The following ITGA9 variants were observed in gnomAD, a reference collection of about 807,000 sequenced individuals.
ITGA9 encodes the protein integrin alpha-9.
ITGA9 carries 56 observed loss-of-function variants against 127.8 expected under a neutral mutation model. The observed-to-expected ratio is 0.44, with a 90% CI of 0.35 to 0.55. The LOEUF (loss-of-function observed/expected upper bound fraction) is 0.55. ITGA9 is among the 20% of genes least tolerant of loss of function. The probability of loss-of-function intolerance (pLI) is 0.00; values close to 1 mark genes in which losing one functional copy is unlikely to be tolerated. For synonymous variants in ITGA9, 508 were observed against 514.5 expected, an observed-to-expected ratio of 0.99 and a Z score of 0.17; for missense variants, 1,196 against 1,347.1, an observed-to-expected ratio of 0.89 and a Z score of 1.76.
intron 1 of ITGA9, among the ~76,000 whole-genome samples, chr3:37,464,373 A>G (rs1035702008): frequency 2.0e-5 from 3 of 151,542 alleles, no homozygotes; most frequent in Non-Finnish European, 4.4e-5. Context: ...GCCAGGAGTT[A>G]GAACTGGGAT....
intron 4 of ITGA9, among the ~76,000 whole-genome samples, chr3:37,490,975 C>T (rs965066643): frequency 4.8e-5 from 5 of 105,102 alleles, no homozygotes; most frequent in African/African-American, 1.8e-4. Flanking sequence ...TTCCCCCCCG[C>T]TTTTTTTTTT....
At chr3:37,762,789 T>C (rs1696737994) in intron 23 of ITGA9, among the ~76,000 whole-genome samples, 1 of 152,194 alleles carries the variant, frequency 6.6e-6, no homozygotes, top group African/African-American at 2.4e-5. Flanking sequence ...TTTGTCTGGG[T>C]GCGTAGCTGT....
At chr3:37,792,537 T>C (rs1394296536) in intron 26 of ITGA9, among the ~76,000 whole-genome samples, 1 of 152,164 alleles carries the variant, frequency 6.6e-6, no homozygotes, top group Non-Finnish European at 1.5e-5. Context: ...CCCAAAAGGC[T>C]TGGCCTCTTC....
In ITGA9 at chr3:37,719,751, G is replaced by A. The variant is rs182116132; in HGVS notation, c.2068-12961G>A. Among the ~76,000 whole-genome samples, 462 of 152,180 alleles carry A rather than the reference G, an allele frequency of 3.0e-3. 5 individuals carry two copies. Among genetic ancestry groups the A allele is most frequent in the East Asian group, 2.1e-3 (11 of 5,186 alleles). On this transcript the variant is annotated intron_variant, in intron 18 of 27. Coordinates refer to ENST00000264741, the MANE Select transcript of ITGA9 (RefSeq NM_002207.3). The stretch of plus-strand genomic sequence containing the variant: ...GATAGATGCCCCAGCTTTCTCACCC[G>A]TTGATGACACACTTCACTACCCTCT...
At position 37,560,644 on chromosome 3, in the gene ITGA9, C is replaced by T. The variant is rs550493869; in HGVS notation, c.1689+18059C>T. Among the ~76,000 whole-genome samples the T allele has an allele frequency of 5.9e-5, 9 of 152,306 alleles. No individual in the cohort carries two copies. The South Asian group carries it at 1.9e-3, about 32-fold the overall frequency. On this transcript the variant is annotated intron_variant, in intron 15 of 27. Transcript: ENST00000264741. ...TCCTGACTTTTTAATGATCACCATT[C>T]TAACTGGCATGAGATGGTATCTCAT...
rs187550157 is a variant in ITGA9, at chr3:37,813,766, T to G, written c.3010-5125T>G. Among the ~76,000 whole-genome samples the G allele has an allele frequency of 1.7e-3, 256 of 151,942 alleles. 2 individuals carry two copies. The highest frequency in any genetic ancestry group is 5.8e-3 in the African/African-American group (240 of 41,546). ...TTACATGAGTTAAGAGTCCTAGACT[T>G]ACTTAGCAAGTCCTCAATTCTGACA... On this transcript the variant is annotated intron_variant, in intron 27 of 27. Coordinates refer to ENST00000264741, the MANE Select transcript of ITGA9 (RefSeq NM_002207.3).
intron 26 of ITGA9, chr3:37,790,259 G>T: frequency 1.8e-6 from 1 of 546,734 alleles, no homozygotes. Context: ...TTTAGAAATG[G>T]CAGCAGCTTG....
chr3:37,621,590 A>G (rs886363305), intron 15 of ITGA9, among the ~76,000 whole-genome samples: 6 of 152,222 alleles, frequency 3.9e-5, no homozygotes, highest in Non-Finnish European at 7.3e-5. Context: ...AGACTTTTCA[A>G]TGCAAAATCA....
At chr3:37,634,660 T>G (rs1199713098) in intron 16 of ITGA9, among the ~76,000 whole-genome samples, 1 of 152,182 alleles carries the variant, frequency 6.6e-6, no homozygotes, top group Non-Finnish European at 1.5e-5. Context: ...TTAGGGAATT[T>G]CAGTACCCCA....
chr3:37,677,941 T>A (rs1700698052), intron 17 of ITGA9, among the ~76,000 whole-genome samples: 1 of 152,268 alleles, frequency 6.6e-6, no homozygotes, highest in South Asian at 2.1e-4. Flanking sequence ...ACTGAGGGCA[T>A]GCTGCCCCTA....
At chr3:37,700,472 C>T (rs116199004) in intron 18 of ITGA9, among the ~76,000 whole-genome samples, 1,524 of 152,204 alleles carry the variant, frequency 0.01, 30 homozygotes, top group African/African-American at 0.035. Flanking sequence ...TCCCAGCCTC[C>T]GGAGTAGTTG....
chr3:37,570,679 A>G (rs188729001), intron 15 of ITGA9, among the ~76,000 whole-genome samples: 1 of 152,372 alleles, frequency 6.6e-6, no homozygotes, highest in African/African-American at 2.4e-5. Context: ...TTCCAGAAAT[A>G]CAGAGATTCT....
At position 37,513,855 on chromosome 3, in the gene ITGA9, G is replaced by C; in HGVS notation, c.990G>C (p.Glu330Asp). 1 of 1,613,786 alleles carries C rather than the reference G, an allele frequency of 6.2e-7. No individual in the cohort carries two copies. Among genetic ancestry groups the C allele is most frequent in the South Asian group, 1.1e-5 (1 of 91,060 alleles). ...TGGTGGGGGCCCCCATGTTTTCTGA[G>C]ATCAGGGATGAGGGACAGGTCACTG... ...DLLVGAPMFS[E>D]IRDEGQVTVY... is the part of the protein sequence containing the mutation. The change falls in exon 9 of 28, where the codon GAG (glutamate) becomes GAC (aspartate). Residue 330 changes from glutamate to aspartate, a missense_variant. Physicochemically the swap from Glu to Asp is conservative, Grantham distance 45. Transcript: ENST00000264741.
At chr3:37,492,657 CAG>C (rs1004855103) in intron 4 of ITGA9, among the ~76,000 whole-genome samples, 1 of 152,182 alleles carries the variant, frequency 6.6e-6, no homozygotes, top group African/African-American at 2.4e-5. Context: ...CTATTCATGT[CAG>C]AAATTTATGA....
intron 16 of ITGA9, among the ~76,000 whole-genome samples, chr3:37,634,133 A>T (rs1700254954): frequency 6.6e-6 from 1 of 152,144 alleles, no homozygotes; most frequent in Admixed American, 6.6e-5. Flanking sequence ...AAACCATACC[A>T]CTAGAGAAAA....
At chr3:37,730,181 A>G (rs1696270517) in intron 18 of ITGA9, among the ~76,000 whole-genome samples, 1 of 152,254 alleles carries the variant, frequency 6.6e-6, no homozygotes, top group South Asian at 2.1e-4. Context: ...ACACTTATAT[A>G]TATTTGCTTA....
chr3:37,537,232 T>A (rs550019198), intron 14 of ITGA9, among the ~76,000 whole-genome samples: 4 of 152,120 alleles, frequency 2.6e-5, no homozygotes, highest in South Asian at 4.2e-4. Context: ...GGGGGGAAAA[T>A]TGAAAACTAC....
At chr3:37,637,467 T>A (rs1700291525) in intron 16 of ITGA9, among the ~76,000 whole-genome samples, 1 of 152,154 alleles carries the variant, frequency 6.6e-6, no homozygotes, top group African/African-American at 2.4e-5. Flanking sequence ...TGCTTGTGAT[T>A]TTTGTACATT....
chr3:37,460,879 G>A (rs530513947), intron 1 of ITGA9, among the ~76,000 whole-genome samples: 4 of 152,132 alleles, frequency 2.6e-5, no homozygotes, highest in South Asian at 2.1e-4. Context: ...GTGAGCCACC[G>A]CACCCGGACT....
Sources: gnomAD v4.1 joint callset for allele counts (sites outside exome capture counted in the v4.1 genomes callset) on GRCh38, gnomAD v4.1.1 for gene constraint, MANE v1.5 for transcripts, NCBI Gene and HGNC (gene_info 2026-07-23, HGNC 2026-07-21) for gene names.